The following TAOK2 variants were observed in gnomAD, a reference collection of about 807,000 sequenced individuals.
TAOK2 encodes TAO kinase 2, also known as serine/threonine-protein kinase TAO2.
TAOK2 carries 42 observed loss-of-function variants against 122.5 expected under a neutral mutation model. The ratio of observed to expected loss-of-function variants is 0.34; its 90% CI spans 0.27 to 0.44. The LOEUF (loss-of-function observed/expected upper bound fraction) is 0.44, where lower values mean the gene tolerates loss of function less well. TAOK2 is among the 20% of genes least tolerant of loss of function. TAOK2 has a pLI of 1.00. For synonymous variants in TAOK2, 704 were observed against 677.6 expected, an observed-to-expected ratio of 1.04 and a Z score of -0.61; for missense variants, 1,264 against 1,644.9, an observed-to-expected ratio of 0.77 and a Z score of 4.01.
intron 1 of TAOK2, 29 bp downstream of exon 1, chr16:29,974,677 C>T (rs1483490037): frequency 6.6e-6 from 1 of 152,644 alleles, no homozygotes; most frequent in Admixed American, 6.5e-5. Context: ...GGGCGCGGGT[C>T]CCTGTGTCTA....
intron 4 of TAOK2, 152 bp from the exon 5 acceptor site, chr16:29,978,647 G>C (rs2069528132): frequency 2.3e-6 from 2 of 852,218 alleles, no homozygotes; most frequent in South Asian, 3.2e-5. Flanking sequence ...CCAGACTCTA[G>C]AAACTCTCCC....
At chr16:29,974,822 C>T (rs1389058226) in intron 1 of TAOK2, among the ~76,000 whole-genome samples, 174 bp downstream of exon 1, 2 of 152,144 alleles carry the variant, frequency 1.3e-5, no homozygotes. Flanking sequence ...TCCCCTTCCT[C>T]TTCCCTTCAT....
chr16:29,978,271 A>G lies in TAOK2; in HGVS notation c.224A>G (p.Lys75Arg). The G allele has an allele frequency of 6.2e-7, 1 of 1,614,064 alleles. No homozygotes were observed. Among genetic ancestry groups the G allele is most frequent in the Non-Finnish European group, 8.5e-7 (1 of 1,179,988 alleles). ...CCCTAGAAATGGCAAGACATCATCAAGGAGGTGCGGTTCTTACAGAAGCTC... is the reference window on the plus strand; with the variant it reads ...CCCTAGAAATGGCAAGACATCATCAGGGAGGTGCGGTTCTTACAGAAGCTC... ...QSNEKWQDII[K>R]EVRFLQKLRH... Residue 75 changes from lysine to arginine, a missense_variant, in exon 4 of 16, where the codon AAG (lysine) becomes AGG (arginine). Physicochemically the swap from Lys to Arg is conservative, Grantham distance 26. Around this residue, in one of 4 missense-constraint regions of TAOK2, gnomAD observed 254 missense variants for 503.8 expected, o/e 0.50. Transcript: ENST00000308893.
chr16:29,991,474 T>C (rs1466768121), downstream of TAOK2: 1 of 1,486,778 alleles, frequency 6.7e-7, no homozygotes, highest in Admixed American at 2.5e-5. The surrounding 1 kb of genome is among the most constrained non-coding windows in gnomAD (Gnocchi z 5.6). Flanking sequence ...AGTGAGAATG[T>C]GGGCCCCCCT....
At position 29,981,695 on chromosome 16, in the gene TAOK2, G is replaced by T; in HGVS notation, c.690G>T (p.Ala230=). ...ERKPPLFNMN[A]MSALYHIAQN... ...AACCACCGCTCTTTAACATGAATGC[G>T]ATGAGTGCCTTATACCACATTGCAC... The change falls in exon 9 of 16, where the codon GCG becomes GCT. Residue 230 remains alanine, a synonymous_variant. Transcript: ENST00000308893. The T allele has an allele frequency of 6.2e-7, 1 of 1,614,124 alleles. No individual in the cohort carries two copies. Among genetic ancestry groups the T allele is most frequent in the Non-Finnish European group, 8.5e-7 (1 of 1,180,034 alleles).
intron 12 of TAOK2, 78 bp from the exon 13 acceptor site, chr16:29,983,425 C>T: frequency 6.4e-7 from 1 of 1,562,276 alleles, no homozygotes; most frequent in African/African-American, 1.3e-5. Context: ...TCCTCTGAGT[C>T]TGATTGGCTG....
chr16:29,990,834 G>A, downstream of TAOK2: 3 of 1,613,298 alleles, frequency 1.9e-6, no homozygotes, highest in Non-Finnish European at 2.5e-6. Context: ...TTCGGCAGCA[G>A]CTTCAACAGG....
At position 29,979,875 on chromosome 16, in the gene TAOK2, C is replaced by T. The variant is rs760339767; in HGVS notation, c.655+367C>T. 1.3e-5 allele frequency among the ~76,000 whole-genome samples: 2 copies of T among 152,138 alleles called. No individual in the cohort carries two copies. The highest frequency in any genetic ancestry group is 2.4e-5 in the African/African-American group (1 of 41,440). ...GCATGTTTTCTTTCAATGTGATGAACGCTGTGTGGAGAAGTTACAGGAGCG... is the reference window on the plus strand; with the variant it reads ...GCATGTTTTCTTTCAATGTGATGAATGCTGTGTGGAGAAGTTACAGGAGCG... On this transcript the variant is annotated intron_variant, in intron 8 of 15. Transcript: ENST00000308893. This position sits in a 1 kb window ranked among gnomAD's most constrained non-coding sequence, Gnocchi z 4.1.
downstream of TAOK2, chr16:29,991,026 C>T (rs1364512249): frequency 1.3e-6 from 2 of 1,580,494 alleles, no homozygotes; most frequent in Non-Finnish European, 1.7e-6. The surrounding 1 kb of genome is among the most constrained non-coding windows in gnomAD (Gnocchi z 5.6). Flanking sequence ...CCGACTCTAA[C>T]CTCTGTTCCG....
At chr16:29,978,696 T>C (rs1376143014) in intron 4 of TAOK2, 103 bp from the exon 5 acceptor site, 3 of 1,383,700 alleles carry the variant, frequency 2.2e-6, no homozygotes, top group Non-Finnish European at 3.1e-6. Context: ...TTCCTCCCTG[T>C]CATCACCCCG....
intron 12 of TAOK2, 41 bp from the exon 13 acceptor site, chr16:29,983,462 G>C: frequency 1.3e-6 from 2 of 1,581,298 alleles, no homozygotes; most frequent in Non-Finnish European, 1.7e-6. Flanking sequence ...TTTGGACCCA[G>C]TGGCCTCTGA....
In TAOK2 at chr16:29,985,783, C is replaced by T; in HGVS notation, c.1914C>T (p.Tyr638=). 1 of 1,611,706 alleles carries T rather than the reference C, an allele frequency of 6.2e-7. No individual in the cohort carries two copies. The highest frequency in any genetic ancestry group is 1.1e-5 in the South Asian group (1 of 90,936). The change falls in exon 15 of 16, where the codon TAC becomes TAT. Residue 638 remains tyrosine (Y), a synonymous_variant. Coordinates refer to ENST00000308893, the MANE Select transcript of TAOK2 (RefSeq NM_016151.4). The surrounding 1 kb of genome is among the most constrained non-coding windows in gnomAD (Gnocchi z 6.9). The part of the protein sequence containing the change: ...EAGLLRRQRQ[Y]FELQCRQYKR... ...GGCTGCTGCGGCGGCAGCGCCAGTA[C>T]TTTGAGCTGCAGTGTCGCCAGTACA...
chr16:29,988,595 G>T (rs1006671822), downstream of TAOK2: 1 of 985,264 alleles, frequency 1.0e-6, no homozygotes, highest in Admixed American at 6.1e-5. Context: ...TGGGGTCTGG[G>T]CCCCTGTAGA....
intron 1 of TAOK2, among the ~76,000 whole-genome samples, chr16:29,976,588 G>T (rs1008807461): frequency 6.6e-6 from 1 of 152,220 alleles, no homozygotes; most frequent in Non-Finnish European, 1.5e-5. Context: ...GCCTGTCTTG[G>T]AATCTCCTTG....
intron 1 of TAOK2, among the ~76,000 whole-genome samples, chr16:29,975,496 G>A (rs2069427216): frequency 6.6e-6 from 1 of 152,162 alleles, no homozygotes; most frequent in African/African-American, 2.4e-5. Flanking sequence ...AGTCCAGGCT[G>A]GGGTGAGGTT....
chr16:29,977,938 G>T (rs1413912849), intron 2 of TAOK2, 34 bp downstream of exon 2: 3 of 1,613,912 alleles, frequency 1.9e-6, no homozygotes, highest in Non-Finnish European at 2.5e-6. Flanking sequence ...TAATAGGGAT[G>T]GGGACTCTTC....
intron 8 of TAOK2, chr16:29,981,404 C>T (rs926536730): frequency 1.7e-6 from 1 of 603,260 alleles, no homozygotes; most frequent in Admixed American, 2.8e-5. Flanking sequence ...AATGGCTGTC[C>T]TTCTGCCTTC....
Position 29,987,281 on chromosome 16 carries a change from C to T in TAOK2, c.3009C>T (p.Tyr1003=). Residue 1003 remains tyrosine (Y), a synonymous_variant, in exon 16 of 16, where the codon TAC becomes TAT. Transcript: ENST00000308893. The part of the protein sequence containing the change: ...EVGLVGLGAS[Y]LLLCTALHLP... ...GGCTGGTGGGTCTGGGGGCCTCCTA[C>T]CTGCTCCTTTGTACAGCCCTGCACC... 1 of 1,527,062 alleles carries T rather than the reference C, an allele frequency of 6.5e-7. No individual in the cohort carries two copies. The allele number at this position is 1,527,062 out of a possible 1,614,324, so 94.6% of individuals were successfully genotyped here.
chr16:29,983,776 A>G, intron 13 of TAOK2, 112 bp downstream of exon 13: 1 of 1,467,338 alleles, frequency 6.8e-7, no homozygotes, highest in Non-Finnish European at 9.2e-7. Flanking sequence ...TTCTACCCTC[A>G]TTTTCTGTTG....
Sources: allele counts gnomAD v4.1 joint callset (sites outside exome capture counted in the v4.1 genomes callset), GRCh38; gene constraint gnomAD v4.1.1; regional missense constraint gnomAD v4.1.1; non-coding constraint Gnocchi (gnomAD v3.1); transcripts MANE v1.5; gene names NCBI Gene and HGNC (gene_info 2026-07-23, HGNC 2026-07-21).